The following DNAAF9 variants were observed in gnomAD, a reference collection of about 807,000 sequenced individuals.
DNAAF9 encodes dynein axonemal assembly factor 9.
Under a neutral mutation model 167.0 loss-of-function variants are expected in DNAAF9, and 90 were observed. The observed-to-expected ratio is 0.54, with a 90% confidence interval of 0.45 to 0.64. DNAAF9 has a LOEUF of 0.64. Among genes scored for constraint, DNAAF9 ranks in the 30% least tolerant of loss-of-function variants. The pLI is 0.00. For synonymous variants in DNAAF9, 491 were observed against 508.8 expected, an observed-to-expected ratio of 0.96 and a Z score of 0.47; for missense variants, 1,315 against 1,442.2, an observed-to-expected ratio of 0.91 and a Z score of 1.43.
At chr20:3,280,435 C>T (rs1271970253) in intron 28 of DNAAF9, among the ~76,000 whole-genome samples, 1 of 151,730 alleles carries the variant, frequency 6.6e-6, no homozygotes. Flanking sequence ...CATGGTGGTG[C>T]ATGCCTGTAA....
At chr20:3,321,029 A>G (rs762597919) in intron 16 of DNAAF9, among the ~76,000 whole-genome samples, 10 of 152,216 alleles carry the variant, frequency 6.6e-5, no homozygotes, top group Admixed American at 1.3e-4. Flanking sequence ...GCTGAGAACA[A>G]CTGGCCTAGA....
intron 1 of DNAAF9, among the ~76,000 whole-genome samples, chr20:3,402,528 C>A (rs2084001756): frequency 6.6e-6 from 1 of 152,088 alleles, no homozygotes; most frequent in South Asian, 2.1e-4. Flanking sequence ...TCTCCCCATC[C>A]CCGCTACATC....
chr20:3,294,644 G>A lies in DNAAF9; in HGVS notation c.2019-15C>T, dbSNP rs1325192721. 4 of 1,540,370 alleles carry A rather than the reference G, an allele frequency of 2.6e-6. No homozygotes were observed. The highest frequency in any genetic ancestry group is 3.6e-6 in the Non-Finnish European group (4 of 1,113,030). The stretch of plus-strand genomic sequence containing the variant: ...CACTGGAGTGCCTGGAATAACAAAA[G>A]CTCACAGATTAGAAGTCCATCTTCC... On this transcript the variant is annotated splice_polypyrimidine_tract_variant and intron_variant, in intron 23 of 36. Transcript: ENST00000252032.
chr20:3,352,885 T>TTATA (rs59930160), intron 7 of DNAAF9, among the ~76,000 whole-genome samples: 12 of 148,870 alleles, frequency 8.1e-5, no homozygotes, highest in African/African-American at 2.7e-4. Flanking sequence ...TATTTACATG[T>TTATA]TATATATATA....
At chr20:3,277,211 T>G (rs1233857922) in intron 29 of DNAAF9, among the ~76,000 whole-genome samples, 1 of 152,228 alleles carries the variant, frequency 6.6e-6, no homozygotes, top group African/African-American at 2.4e-5. Context: ...ATCCTCCTAC[T>G]CAGGTCATCA....
chr20:3,264,548 C>CT, intron 30 of DNAAF9, 24 bp from the exon 31 acceptor site: 2 of 1,154,030 alleles, frequency 1.7e-6, no homozygotes, highest in Non-Finnish European at 2.6e-6. Context: ...CAGAAAAGAC[C>CT]TAGATTAATT....
intron 1 of DNAAF9, among the ~76,000 whole-genome samples, chr20:3,386,917 T>C (rs1360949209): frequency 4.6e-5 from 7 of 152,190 alleles, no homozygotes. Context: ...GATATTACTA[T>C]ACCTCTATTA....
intron 6 of DNAAF9, chr20:3,360,290 ATG>A (rs2083343639): frequency 5.3e-5 from 8 of 152,238 alleles, no homozygotes; most frequent in African/African-American, 1.7e-4. Flanking sequence ...TCTGGCAAAG[ATG>A]TAGTTCTTCT....
At chr20:3,305,128 G>A (rs779139593) in intron 20 of DNAAF9, among the ~76,000 whole-genome samples, 1 of 152,216 alleles carries the variant, frequency 6.6e-6, no homozygotes, top group East Asian at 1.9e-4. Flanking sequence ...ATGGATGTGG[G>A]TTCCTCGGAA....
chr20:3,376,939 C>CGCA, intron 3 of DNAAF9, among the ~76,000 whole-genome samples: 1 of 152,180 alleles, frequency 6.6e-6, no homozygotes, highest in South Asian at 2.1e-4. Context: ...TGTGGTGGCG[C>CGCA]GCACCTGTAA....
intron 20 of DNAAF9, among the ~76,000 whole-genome samples, chr20:3,308,790 A>G (rs1280093686): frequency 6.6e-6 from 1 of 151,764 alleles, no homozygotes; most frequent in Non-Finnish European, 1.5e-5. Context: ...CAGCCTAGCC[A>G]ACATGGTGAA....
At chr20:3,396,721 T>A (rs1204365852) in intron 1 of DNAAF9, among the ~76,000 whole-genome samples, 1 of 151,982 alleles carries the variant, frequency 6.6e-6, no homozygotes, top group Non-Finnish European at 1.5e-5. Flanking sequence ...CCGGTATGGC[T>A]GGAGCAGAGT....
chr20:3,326,396 A>C, intron 12 of DNAAF9, 112 bp from the exon 13 acceptor site: 1 of 732,624 alleles, frequency 1.4e-6, no homozygotes. Flanking sequence ...CAGAATGAAA[A>C]AAGGCAAAAA....
chr20:3,326,104 A>G (rs1432747853), intron 13 of DNAAF9, 93 bp downstream of exon 13: 3 of 913,990 alleles, frequency 3.3e-6, no homozygotes, highest in Non-Finnish European at 5.2e-6. Context: ...CACAAAAGTG[A>G]GTACTACAAG....
chr20:3,324,039 GC>G (rs1416146243), intron 14 of DNAAF9, among the ~76,000 whole-genome samples: 2 of 152,140 alleles, frequency 1.3e-5, no homozygotes, highest in African/African-American at 4.8e-5. Context: ...CCCTTTCATG[GC>G]CAGGGCAGCA....
intron 21 of DNAAF9, among the ~76,000 whole-genome samples, chr20:3,298,616 A>T (rs6115842): frequency 0.26 from 39,367 of 151,978 alleles, 5,345 homozygotes; most frequent in East Asian, 0.38. Flanking sequence ...CACCACCCCT[A>T]ATCTGGATTT....
rs369952939 is a variant in DNAAF9, at chr20:3,375,068, C to T, written c.467G>A (p.Arg156Gln). 154 of 1,611,494 alleles carry T rather than the reference C, an allele frequency of 9.6e-5. No individual in the cohort carries two copies. The highest frequency in any genetic ancestry group is 1.2e-4 in the Non-Finnish European group (147 of 1,177,766). Residue 156 changes from arginine to glutamine, a missense_variant, in exon 5 of 37, where the codon CGA (arginine) becomes CAA (glutamine). Transcript: ENST00000252032. ...FKITSFVDMV[R>Q]DCSRIGIPYS... ...AGGAATGCCAATTCTACTACAGTCT[C>T]GAACCATGTCCACAAAGCTGGTAAT...
At chr20:3,314,336 C>G (rs2236112) in intron 20 of DNAAF9, among the ~76,000 whole-genome samples, 37,996 of 151,994 alleles carry the variant, frequency 0.25, 5,346 homozygotes, top group African/African-American at 0.37. Context: ...AAAAACTTGA[C>G]ATGCTGATAG....
intron 26 of DNAAF9, among the ~76,000 whole-genome samples, chr20:3,289,581 G>A (rs534660934): frequency 1.2e-4 from 18 of 152,072 alleles, no homozygotes; most frequent in South Asian, 6.2e-4. Context: ...ATGCAGTGGC[G>A]CAATCTCAGC....
Sources: allele counts gnomAD v4.1 joint callset (sites outside exome capture counted in the v4.1 genomes callset), GRCh38; gene constraint gnomAD v4.1.1; transcripts MANE v1.5; gene names NCBI Gene and HGNC (gene_info 2026-07-23, HGNC 2026-07-21).